The following ROBO4 variants were observed in gnomAD, a reference collection of about 807,000 sequenced individuals.
The protein encoded by ROBO4 is roundabout homolog 4.
A neutral mutation model predicts 103.3 loss-of-function variants in ROBO4; 80 were observed. The observed-to-expected ratio is 0.77, with a 90% CI of 0.65 to 0.93. The LOEUF (loss-of-function observed/expected upper bound fraction) is 0.93. Ranked by LOEUF, ROBO4 falls within the 40% of genes least tolerant of loss-of-function variation. ROBO4 has a pLI of 0.00. For missense variants in ROBO4, 1,333 were observed against 1,305.3 expected (o/e 1.02, Z -0.33); for synonymous variants, 504 against 529.7 (o/e 0.95, Z 0.67).
chr11:124,885,360 C>T (rs1946695806), intron 16 of ROBO4, 113 bp from the exon 17 acceptor site: 3 of 804,074 alleles, frequency 3.7e-6, no homozygotes, highest in East Asian at 2.7e-5. Context: ...CTAAACATAA[C>T]CTAACCCCAA....
chr11:124,897,589 C>A, intron 1 of ROBO4, 137 bp downstream of exon 1: 1 of 719,502 alleles, frequency 1.4e-6, no homozygotes, highest in Non-Finnish European at 2.5e-6. Context: ...TACACTTACA[C>A]ACACTCATCA....
In ROBO4 at chr11:124,897,183, C is replaced by T; in HGVS notation, c.149G>A (p.Arg50Lys). The T allele has an allele frequency of 7.8e-6, 12 of 1,531,260 alleles. No homozygotes were observed. Among genetic ancestry groups the T allele is most frequent in the Non-Finnish European group, 1.1e-5 (12 of 1,138,320 alleles). 94.9% of individuals were successfully genotyped at this position (1,531,260 alleles called of 1,614,324 possible). A position where few individuals can be genotyped will look rare whatever the true frequency, so the allele number is the denominator to read the frequency against. Residue 50 changes from arginine to lysine, a missense_variant, in exon 2 of 18, where the codon AGG (arginine) becomes AAG (lysine). Physicochemically the swap from Arg to Lys is conservative, Grantham distance 26. Coordinates refer to ENST00000306534, the MANE Select transcript of ROBO4 (RefSeq NM_019055.6). The stretch of plus-strand genomic sequence containing the variant: ...CTGGCCTGAGGCTTGGCAGCTCATC[C>T]TGGCAGGGCCAGGGCCCTGGAACAG... ...DQLFQGPGPA[R>K]MSCQASGQPP...
At position 124,884,905 on chromosome 11, in the gene ROBO4, C is replaced by T. The variant is rs1406186809; in HGVS notation, c.3010G>A (p.Val1004Ile). ...AGGGACACGGTTCAGGAGTAATCTA[C>T]AGGAGAAGCTGAAGGACAGTGGAGT... ...CRMPKAGASP[V>I]DYS is the part of the protein sequence containing the mutation. Residue 1004 changes from valine (V) to isoleucine (I), a missense_variant, in exon 18 of 18, where the codon GTA (valine) becomes ATA (isoleucine). Coordinates refer to ENST00000306534, the MANE Select transcript of ROBO4 (RefSeq NM_019055.6). 1 of 1,614,192 alleles carries T rather than the reference C, an allele frequency of 6.2e-7. No homozygotes were observed. Among genetic ancestry groups the T allele is most frequent in the Non-Finnish European group, 8.5e-7 (1 of 1,180,032 alleles).
chr11:124,897,031 C>T lies in ROBO4; in HGVS notation c.301G>A (p.Asp101Asn), dbSNP rs571452572. ...LQPPARGHAH[D>N]GQALSTDLGV... ...AGGTCTGTGGACAGGGCCTGGCCAT[C>T]GTGGGCATGTCCCCGGGCAGGGGGC... The change falls in exon 2 of 18, where the codon GAT becomes AAT. Residue 101 changes from aspartate to asparagine, a missense_variant. Coordinates refer to ENST00000306534, the MANE Select transcript of ROBO4 (RefSeq NM_019055.6). 28 of 1,614,032 alleles carry T rather than the reference C, an allele frequency of 1.7e-5. No individual in the cohort carries two copies. The African/African-American group carries it at 2.1e-4, about 12-fold the overall frequency.
intron 2 of ROBO4, 96 bp downstream of exon 2, chr11:124,896,836 G>A: frequency 6.5e-7 from 1 of 1,533,154 alleles, no homozygotes; most frequent in Non-Finnish European, 8.7e-7. Flanking sequence ...CTGCTCACAG[G>A]TATCCCACTG....
chr11:124,897,472 T>G (rs1467543153), intron 1 of ROBO4: 26 of 36,538 alleles, frequency 7.1e-4, no homozygotes, highest in Non-Finnish European at 1.7e-3. Flanking sequence ...GCATGTTCGC[T>G]CTCTCTCTCT....
chr11:124,891,407 G>C lies in ROBO4; in HGVS notation c.1840C>G (p.Leu614Val), dbSNP rs779759158. The stretch of plus-strand genomic sequence containing the variant: ...TCTGAGCTGGAACAGGGGCTGGAGA[G>C]CTGGGCCAGCTGGGGTGGGAGGCGC... ...VRRLPPQLAQLSSPCSSSDSL... is the reference protein window; with the variant it reads ...VRRLPPQLAQVSSPCSSSDSL... Residue 614 changes from leucine (L) to valine (V), a missense_variant, in exon 12 of 18, where the codon CTC becomes GTC. Physicochemically the swap from Leu to Val is conservative, Grantham distance 32 (BLOSUM62 1). Coordinates refer to ENST00000306534, the MANE Select transcript of ROBO4 (RefSeq NM_019055.6). 2 of 1,582,370 alleles carry C rather than the reference G, an allele frequency of 1.3e-6. No individual in the cohort carries two copies. Among genetic ancestry groups the C allele is most frequent in the African/African-American group, 2.7e-5 (2 of 74,466 alleles).
In ROBO4 at chr11:124,887,743, G is replaced by A. The variant is rs1338710260; in HGVS notation, c.2046C>T (p.Ser682=). The change falls in exon 13 of 18, where the codon TCC becomes TCT. Residue 682 remains serine, a synonymous_variant. Transcript: ENST00000306534. ...ELGNRGSKNL[S]QSPGAVPQAL... ...GGGACCCCCTCTCACCTGGGCTTTGGGAAAGGTTCTTGGAACCTCTATTTC... is the reference window on the plus strand; with the variant it reads ...GGGACCCCCTCTCACCTGGGCTTTGAGAAAGGTTCTTGGAACCTCTATTTC... 2.5e-6 allele frequency: 4 copies of A among 1,613,792 alleles called. No homozygotes were observed. The African/African-American group carries it at 4.0e-5, about 16-fold the overall frequency.
chr11:124,894,523 C>A, intron 7 of ROBO4, 154 bp from the exon 8 acceptor site: 1 of 670,890 alleles, frequency 1.5e-6, no homozygotes, highest in Middle Eastern at 2.7e-4. Flanking sequence ...ATTCTCCCTA[C>A]CAAGTGAGAG....
chr11:124,886,939 T>G (rs1218723877), intron 15 of ROBO4, 38 bp downstream of exon 15: 1 of 1,574,654 alleles, frequency 6.4e-7, no homozygotes, highest in Non-Finnish European at 8.7e-7. Context: ...CCCCCACAGC[T>G]TTTCTGTAGT....
chr11:124,891,500 C>T lies in ROBO4; in HGVS notation c.1747G>A (p.Gly583Ser), dbSNP rs893845065. The stretch of plus-strand genomic sequence containing the variant: ...GAGGGCAGCTCAGCGATGAGGGAGC[C>T]ATAAAAAGTGCTGGTGTCTGGAAGC... ...PLLPDTSTFY[G>S]SLIAELPSST... is the part of the protein sequence containing the mutation. The change falls in exon 12 of 18, where the codon GGC becomes AGC. Residue 583 changes from glycine (G) to serine (S), a missense_variant. Transcript: ENST00000306534. The T allele has an allele frequency of 1.9e-6, 3 of 1,613,978 alleles. No homozygotes were observed. In the African/African-American group the frequency reaches 4.0e-5, roughly 22 times the overall value.
intron 11 of ROBO4, 28 bp downstream of exon 11, chr11:124,891,638 G>T: frequency 6.2e-7 from 1 of 1,614,178 alleles, no homozygotes; most frequent in Non-Finnish European, 8.5e-7. Flanking sequence ...CCCCCAGCTA[G>T]GCCCTTGCCC....
At chr11:124,892,196 A>G in intron 10 of ROBO4, 1 of 386,212 alleles carries the variant, frequency 2.6e-6, no homozygotes, top group Non-Finnish European at 5.1e-6. Context: ...CTCATCTGTA[A>G]AATGATGGCA....
Position 124,884,770 on chromosome 11 carries a change from G to T in ROBO4, c.*121C>A. Reference sequence around the variant, plus strand: ...TGGAGGGAGAACTCTCTGGAGGCTTGGGAAGGTGGACCCCAGCTGCAGAGA... The same window carrying T: ...TGGAGGGAGAACTCTCTGGAGGCTTTGGAAGGTGGACCCCAGCTGCAGAGA... On this transcript the variant is annotated 3_prime_UTR_variant, in exon 18 of 18. Coordinates refer to ENST00000306534, the MANE Select transcript of ROBO4 (RefSeq NM_019055.6). 9.0e-7 allele frequency: 1 copy of T among 1,106,482 alleles called. No individual in the cohort carries two copies. Among genetic ancestry groups the T allele is most frequent in the Non-Finnish European group, 1.4e-6 (1 of 724,244 alleles). 68.5% of individuals were successfully genotyped at this position (1,106,482 alleles called of 1,614,324 possible).
At position 124,896,994 on chromosome 11, in the gene ROBO4, G is replaced by A; in HGVS notation, c.338C>T (p.Thr113Ile). Reference protein sequence around the residue: ...QALSTDLGVYTCEASNRLGTA... With the variant: ...QALSTDLGVYICEASNRLGTA... ...GCCAAGCCGGTTGCTGGCCTCACAT[G>A]TGTAGACACCCAGGTCTGTGGACAG... The change falls in exon 2 of 18, where the codon ACA becomes ATA. Residue 113 changes from threonine to isoleucine, a missense_variant. Physicochemically the swap from Thr to Ile is moderately conservative, Grantham distance 89. Transcript: ENST00000306534. 1.2e-6 allele frequency: 2 copies of A among 1,614,090 alleles called. No individual in the cohort carries two copies. The highest frequency in any genetic ancestry group is 1.3e-5 in the African/African-American group (1 of 75,058).
chr11:124,887,891 C>A, intron 12 of ROBO4, 51 bp from the exon 13 acceptor site: 1 of 1,451,582 alleles, frequency 6.9e-7, no homozygotes, highest in Non-Finnish European at 9.5e-7. Context: ...CTTTTCAGAC[C>A]CCAGCTGCTG....
chr11:124,888,419 G>T (rs886889785), intron 12 of ROBO4, among the ~76,000 whole-genome samples: 6 of 152,248 alleles, frequency 3.9e-5, no homozygotes, highest in African/African-American at 1.2e-4. Context: ...GGGGTAGACT[G>T]TCAGGTTGAG....
At chr11:124,888,147 T>G (rs1946745978) in intron 12 of ROBO4, among the ~76,000 whole-genome samples, 1 of 152,248 alleles carries the variant, frequency 6.6e-6, no homozygotes, top group Non-Finnish European at 1.5e-5. Flanking sequence ...TCTTGACAAT[T>G]AAGTAAAAAC....
intron 15 of ROBO4, 54 bp downstream of exon 15, chr11:124,886,923 C>T (rs1245716801): frequency 4.6e-5 from 71 of 1,558,386 alleles, no homozygotes; most frequent in Middle Eastern, 1.7e-4. Context: ...GGTGGAGAGG[C>T]GCTTGCCCCC....
Sources: gnomAD v4.1 joint callset for allele counts (sites outside exome capture counted in the v4.1 genomes callset) on GRCh38, gnomAD v4.1.1 for gene constraint, MANE v1.5 for transcripts, NCBI Gene and HGNC (gene_info 2026-07-23, HGNC 2026-07-21) for gene names.